Variants in AFG2A observed in about 807,000 individuals in gnomAD.
AFG2A encodes AAA ATPase AFG2A.
the AFG2A span, among the ~76,000 whole-genome samples, chr4:123,003,564 A>G: frequency 0.89 from 136,071 of 152,194 alleles, 61,256 homozygotes; most frequent in East Asian, 0.96. Flanking sequence ...GTTTGCTAGA[A>G]GTCCACTCCA....
At chr4:123,040,150 G>A in the AFG2A span, among the ~76,000 whole-genome samples, 1 of 151,672 alleles carries the variant, frequency 6.6e-6, no homozygotes, top group Non-Finnish European at 1.5e-5. Flanking sequence ...ATTGTTATTG[G>A]ACATGTACGC....
the AFG2A span, among the ~76,000 whole-genome samples, chr4:123,156,000 C>A: frequency 6.6e-6 from 1 of 152,180 alleles, no homozygotes; most frequent in Admixed American, 6.5e-5. Flanking sequence ...GTTCTGCAGG[C>A]TGTACAGGAA....
chr4:123,153,140 A>C, the AFG2A span, among the ~76,000 whole-genome samples: 1 of 152,244 alleles, frequency 6.6e-6, no homozygotes, highest in Non-Finnish European at 1.5e-5. Flanking sequence ...GAAACTTGAC[A>C]GGCCTAGAAT....
the AFG2A span, among the ~76,000 whole-genome samples, chr4:122,929,784 A>G: frequency 6.6e-6 from 1 of 152,190 alleles, no homozygotes; most frequent in Non-Finnish European, 1.5e-5. Context: ...TTACACTTGT[A>G]GCACATCACA....
chr4:123,088,174 G>A, the AFG2A span, among the ~76,000 whole-genome samples: 1 of 152,150 alleles, frequency 6.6e-6, no homozygotes, highest in South Asian at 2.1e-4. Flanking sequence ...ACTTTATCCA[G>A]TTTTTAGTAT....
the AFG2A span, among the ~76,000 whole-genome samples, chr4:123,226,869 T>A: frequency 3.9e-5 from 6 of 152,224 alleles, no homozygotes; most frequent in South Asian, 2.1e-4. Flanking sequence ...AAGCTATTAA[T>A]TATTGCCTCA....
At chr4:122,923,321 T>C in the AFG2A span, 1 of 1,612,638 alleles carries the variant, frequency 6.2e-7, no homozygotes, top group Middle Eastern at 1.7e-4. Flanking sequence ...GAATTCCGGG[T>C]GGGAGACTAG....
At chr4:123,205,432 G>A in the AFG2A span, among the ~76,000 whole-genome samples, 3 of 150,654 alleles carry the variant, frequency 2.0e-5, no homozygotes, top group Non-Finnish European at 4.4e-5. Flanking sequence ...CGAATCAAGG[G>A]TCAAAAAAAT....
chr4:123,248,056 T>A, the AFG2A span, among the ~76,000 whole-genome samples: 53 of 152,052 alleles, frequency 3.5e-4, no homozygotes, highest in Non-Finnish European at 6.3e-4. Context: ...TGTATTTTCC[T>A]CACAGTGCTT....
the AFG2A span, among the ~76,000 whole-genome samples, chr4:122,935,472 GT>G: frequency 1.1e-3 from 155 of 142,458 alleles, no homozygotes; most frequent in Middle Eastern, 3.6e-3. Flanking sequence ...TGGGTGTCCA[GT>G]TTTTTTTTTT....
the AFG2A span, among the ~76,000 whole-genome samples, chr4:123,045,716 G>T: frequency 6.6e-6 from 1 of 152,098 alleles, no homozygotes; most frequent in Non-Finnish European, 1.5e-5. Flanking sequence ...TGATTATGGT[G>T]GTGTCAGCCA....
chr4:123,090,053 T>G, the AFG2A span, among the ~76,000 whole-genome samples: 4 of 152,214 alleles, frequency 2.6e-5, no homozygotes, highest in Non-Finnish European at 5.9e-5. Flanking sequence ...GGGATTGTGG[T>G]GATTACCTAC....
At chr4:123,228,611 A>G in the AFG2A span, among the ~76,000 whole-genome samples, 1 of 152,012 alleles carries the variant, frequency 6.6e-6, no homozygotes, top group African/African-American at 2.4e-5. Context: ...AATTATGCTG[A>G]TTATTTTAAT....
chr4:123,132,756 CTCTTCCGCATA>C, the AFG2A span, among the ~76,000 whole-genome samples: 1 of 150,512 alleles, frequency 6.6e-6, no homozygotes, highest in Non-Finnish European at 1.5e-5. Context: ...TCTTCCGCAT[CTCTTCCGCATA>C]ATGATTTCAA....
the AFG2A span, chr4:123,028,335 T>C: frequency 6.2e-7 from 1 of 1,614,164 alleles, no homozygotes; most frequent in Middle Eastern, 1.6e-4. Context: ...CTGGGTGCTC[T>C]AAAACAATGA....
chr4:123,130,863 T>A, the AFG2A span, among the ~76,000 whole-genome samples: 2 of 152,176 alleles, frequency 1.3e-5, no homozygotes, highest in Non-Finnish European at 2.9e-5. Context: ...CTGAACTATA[T>A]TCCCACCAAC....
chr4:123,310,392 A>G, the AFG2A span, among the ~76,000 whole-genome samples: 2,491 of 152,320 alleles, frequency 0.016, 49 homozygotes, highest in South Asian at 0.096. Context: ...GGCTAGTTCA[A>G]TGTAATCCGT....
the AFG2A span, among the ~76,000 whole-genome samples, chr4:123,008,249 T>C: frequency 6.6e-6 from 1 of 152,128 alleles, no homozygotes; most frequent in South Asian, 2.1e-4. Context: ...AAGAGAGAGA[T>C]GCCAGGCTCT....
At chr4:123,207,942 A>C in the AFG2A span, among the ~76,000 whole-genome samples, 3 of 152,198 alleles carry the variant, frequency 2.0e-5, no homozygotes, top group African/African-American at 7.2e-5. Flanking sequence ...TCTCAAACCC[A>C]TATGGAATGC....
Sources: allele counts gnomAD v4.1 joint callset (sites outside exome capture counted in the v4.1 genomes callset), GRCh38; gene constraint gnomAD v4.1.1; transcripts MANE v1.5; gene names NCBI Gene and HGNC (gene_info 2026-07-23, HGNC 2026-07-21).